Variants in SAMD9L observed in about 807,000 individuals in gnomAD.
SAMD9L encodes the protein sterile alpha motif domain-containing protein 9-like.
A neutral mutation model predicts 90.7 loss-of-function variants in SAMD9L; 68 were observed. The observed-to-expected ratio is 0.75, with a 90% confidence interval of 0.62 to 0.92. The LOEUF is 0.92. Among genes scored for constraint, SAMD9L ranks in the 40% least tolerant of loss-of-function variants. The probability of loss-of-function intolerance (pLI) is 0.00; values close to 1 mark genes in which losing one functional copy is unlikely to be tolerated. For missense variants in SAMD9L, 1,604 were observed against 1,824.3 expected (o/e 0.88, Z 2.20); for synonymous variants, 640 against 630.1 (o/e 1.02, Z -0.23).
chr7:93,144,119 C>T (rs1792798319), intron 4 of SAMD9L, among the ~76,000 whole-genome samples: 1 of 152,138 alleles, frequency 6.6e-6, no homozygotes, highest in Non-Finnish European at 1.5e-5. Flanking sequence ...TGTTTTTGTT[C>T]TGCTTCTTCA....
rs1792280955 is a variant in SAMD9L at position 93,133,952 on chromosome 7, A to T, written c.2020T>A (p.Ser674Thr). Reference sequence around the variant, plus strand: ...GATTTCTTAAACTCCAGGAATTTAGATTTGTCTTTCTCGATGTCTGTCTCT... The same window carrying T: ...GATTTCTTAAACTCCAGGAATTTAGTTTTGTCTTTCTCGATGTCTGTCTCT... The part of the protein sequence containing the change: ...CTETDIEKDK[S>T]KFLEFKKSKE... The change falls in exon 5 of 5, where the codon TCT becomes ACT. Residue 674 changes from serine (S) to threonine (T), a missense_variant. Ser to Thr is a moderately conservative substitution (Grantham distance 58, BLOSUM62 1). Transcript: ENST00000318238. 2 of 1,613,788 alleles carry T rather than the reference A, an allele frequency of 1.2e-6. No homozygotes were observed. Among genetic ancestry groups the T allele is most frequent in the African/African-American group, 2.7e-5 (2 of 75,000 alleles).
Position 93,132,526 on chromosome 7 carries a change from A to G in SAMD9L, c.3446T>C (p.Leu1149Pro). The G allele has an allele frequency of 6.2e-7, 1 of 1,613,916 alleles. No individual in the cohort carries two copies. Among genetic ancestry groups the G allele is most frequent in the Non-Finnish European group, 8.5e-7 (1 of 1,179,828 alleles). Residue 1149 changes from leucine (L) to proline (P), a missense_variant, in exon 5 of 5, where the codon CTA (leucine) becomes CCA (proline). Leu to Pro is a moderately conservative substitution (Grantham distance 98). This residue lies in a region of SAMD9L where 302 missense variants were observed against 314.7 expected (regional missense o/e 0.96). Coordinates refer to ENST00000318238, the MANE Select transcript of SAMD9L (RefSeq NM_152703.5). ...TTCCGCAGCTTCTAGGAGATGTGTT[A>G]GGTCATTAACAGTAATGCTCCTACA... The part of the protein sequence containing the change: ...KNCRSITVND[L>P]THLLEAAEKA...
chr7:93,132,972 C>T lies in SAMD9L; in HGVS notation c.3000G>A (p.Leu1000=). 1 of 1,613,406 alleles carries T rather than the reference C, an allele frequency of 6.2e-7. No homozygotes were observed. Among genetic ancestry groups the T allele is most frequent in the African/African-American group, 1.3e-5 (1 of 74,996 alleles). The change falls in exon 5 of 5, where the codon CTG becomes CTA. Residue 1000 remains leucine, a synonymous_variant. Coordinates refer to ENST00000318238, the MANE Select transcript of SAMD9L (RefSeq NM_152703.5). ...ATTTATCCAAGTGATAGCTTCTTTC[C>T]AGTTCTTTTAGACAGTACAGGGCAA... ...PLIALYCLKE[L]ERSYHLDKCQ...
chr7:93,141,260 C>T (rs1792678878), intron 4 of SAMD9L, among the ~76,000 whole-genome samples: 2 of 152,202 alleles, frequency 1.3e-5, no homozygotes, highest in African/African-American at 4.8e-5. Flanking sequence ...GTTGACGTGC[C>T]TCTCAGACCT....
intron 4 of SAMD9L, among the ~76,000 whole-genome samples, chr7:93,138,862 A>G (rs967301199): frequency 6.6e-6 from 1 of 152,170 alleles, no homozygotes; most frequent in Non-Finnish European, 1.5e-5. Context: ...TAAGACCGAC[A>G]GAGGGGCCCT....
At position 93,133,981 on chromosome 7, in the gene SAMD9L, C is replaced by T. The variant is rs1315686706; in HGVS notation, c.1991G>A (p.Cys664Tyr). 1 of 1,613,432 alleles carries T rather than the reference C, an allele frequency of 6.2e-7. No individual in the cohort carries two copies. The highest frequency in any genetic ancestry group is 1.7e-5 in the Admixed American group (1 of 59,944). Residue 664 changes from cysteine to tyrosine, a missense_variant, in exon 5 of 5, where the codon TGT becomes TAT. Physicochemically the swap from Cys to Tyr is radical, Grantham distance 194. Transcript: ENST00000318238. ...TALEILCENE[C>Y]TETDIEKDKS... is the part of the protein sequence containing the mutation. Reference sequence around the variant, plus strand: ...GTCTTTCTCGATGTCTGTCTCTGTACACTCATTTTCACAGAGGATTTCCAG... The same window carrying T: ...GTCTTTCTCGATGTCTGTCTCTGTATACTCATTTTCACAGAGGATTTCCAG...
chr7:93,136,031 T>C (rs1365517641), intron 4 of SAMD9L, 40 bp from the exon 5 acceptor site: 5 of 1,328,146 alleles, frequency 3.8e-6, no homozygotes, highest in Non-Finnish European at 5.0e-6. Context: ...AGAATTATAC[T>C]TTATTTTTAA....
chr7:93,139,793 C>T (rs1792609181), intron 4 of SAMD9L, among the ~76,000 whole-genome samples: 3 of 152,146 alleles, frequency 2.0e-5, no homozygotes, highest in Non-Finnish European at 4.4e-5. Flanking sequence ...ACTTCCCTGT[C>T]CCCACCATCT....
chr7:93,136,001 A>G lies in SAMD9L; in HGVS notation c.-20-10T>C, dbSNP rs1206197289. On this transcript the variant is annotated splice_polypyrimidine_tract_variant and intron_variant, in intron 4 of 4. Transcript: ENST00000318238. ...AAGCTTCAACTTCTTCCTGAGACAA[A>G]GCAATATAATAAGTATTTTAGAATT... 4 of 1,496,244 alleles carry G rather than the reference A, an allele frequency of 2.7e-6. No homozygotes were observed. Among genetic ancestry groups the G allele is most frequent in the Non-Finnish European group, 3.6e-6 (4 of 1,121,964 alleles). The allele number at this position is 1,496,244 out of a possible 1,614,324, so 92.7% of individuals were successfully genotyped here.
At position 93,135,845 on chromosome 7, in the gene SAMD9L, T is replaced by C; in HGVS notation, c.127A>G (p.Thr43Ala). Residue 43 changes from threonine to alanine, a missense_variant, in exon 5 of 5, where the codon ACA becomes GCA. Thr to Ala is a moderately conservative substitution (Grantham distance 58, BLOSUM62 0). Transcript: ENST00000318238. ...GTTAATTCCTGCAGGACTAATCCTG[T>C]TACTTCTTCACTGAGCAGAATTTGC... ...YGQILLSEEVTGLVLQELTEK... is the reference protein window; with the variant it reads ...YGQILLSEEVAGLVLQELTEK... The C allele has an allele frequency of 3.7e-6, 6 of 1,614,044 alleles. No homozygotes were observed. Among genetic ancestry groups the C allele is most frequent in the Non-Finnish European group, 5.1e-6 (6 of 1,179,968 alleles).
In SAMD9L at chr7:93,135,881, C is replaced by T. The variant is rs778097243; in HGVS notation, c.91G>A (p.Glu31Lys). 12 of 1,613,864 alleles carry T rather than the reference C, an allele frequency of 7.4e-6. No homozygotes were observed. The East Asian group carries it at 1.1e-4, about 15-fold the overall frequency. ...KWVNEDLKIN[E>K]QYGQILLSEE... ...CTGAGCAGAATTTGCCCGTATTGCT[C>T]ATTAATCTTAAGGTCTTCATTTACC... is the stretch of plus-strand genomic sequence containing the variant. The change falls in exon 5 of 5, where the codon GAG (glutamate) becomes AAG (lysine). Residue 31 changes from glutamate (E) to lysine (K), a missense_variant. Physicochemically the swap from Glu to Lys is moderately conservative, Grantham distance 56. Coordinates refer to ENST00000318238, the MANE Select transcript of SAMD9L (RefSeq NM_152703.5).
In SAMD9L at chr7:93,134,556, T is replaced by A. The variant is rs762297782; in HGVS notation, c.1416A>T (p.Gln472His). ...ACATGTTAGTTGTCTTGTCTTCATATTGATTTGGAAAGTGAAGGTTTGCCA... is the reference window on the plus strand; with the variant it reads ...ACATGTTAGTTGTCTTGTCTTCATAATGATTTGGAAAGTGAAGGTTTGCCA... ...SRVANLHFPN[Q>H]YEDKTTNMWE... Residue 472 changes from glutamine (Q) to histidine (H), a missense_variant, in exon 5 of 5, where the codon CAA becomes CAT. Around this residue, in one of 7 missense-constraint regions of SAMD9L, gnomAD observed 606 missense variants for 717.6 expected, o/e 0.84. Transcript: ENST00000318238. The A allele has an allele frequency of 6.2e-7, 1 of 1,613,958 alleles. No homozygotes were observed. The highest frequency in any genetic ancestry group is 8.5e-7 in the Non-Finnish European group (1 of 1,179,884).
chr7:93,145,584 G>A lies in SAMD9L; in HGVS notation c.-322C>T, dbSNP rs1207558998. ...GTTCAGTTTGCCGGAGGATATACTT[G>A]TTGAGAACGTATTGCATAAAACAAT... On this transcript the variant is annotated 5_prime_UTR_variant, in exon 3 of 5. Transcript: ENST00000318238. 1 of 152,194 alleles carries A rather than the reference G, an allele frequency of 6.6e-6. No homozygotes were observed. Among genetic ancestry groups the A allele is most frequent in the Non-Finnish European group, 1.5e-5 (1 of 68,038 alleles). 9.4% of individuals were successfully genotyped at this position (152,194 alleles called of 1,614,324 possible). A position where few individuals can be genotyped will look rare whatever the true frequency, so the allele number is the denominator to read the frequency against.
chr7:93,133,570 A>G lies in SAMD9L; in HGVS notation c.2402T>C (p.Leu801Pro), dbSNP rs763158134. The G allele has an allele frequency of 5.6e-6, 9 of 1,613,770 alleles. No homozygotes were observed. In the East Asian group the frequency reaches 1.3e-4, roughly 24 times the overall value. Residue 801 changes from leucine to proline, a missense_variant, in exon 5 of 5, where the codon CTT becomes CCT. Leu to Pro is a moderately conservative substitution (Grantham distance 98). Transcript: ENST00000318238. Reference protein sequence around the residue: ...SHQDYIPVLLLVDDFEEQENV... With the variant: ...SHQDYIPVLLPVDDFEEQENV... Reference sequence around the variant, plus strand: ...TTCTTGTTCTTCAAAATCATCCACAAGGAGAAGCACAGGAATGTAATCCTG... The same window carrying G: ...TTCTTGTTCTTCAAAATCATCCACAGGGAGAAGCACAGGAATGTAATCCTG...
At chr7:93,142,465 G>A (rs1366856821) in intron 4 of SAMD9L, among the ~76,000 whole-genome samples, 1 of 152,186 alleles carries the variant, frequency 6.6e-6, no homozygotes, top group Admixed American at 6.5e-5. Flanking sequence ...TCCAGCATCT[G>A]GATTAGCCAG....
chr7:93,143,687 A>G (rs546223787), intron 4 of SAMD9L, among the ~76,000 whole-genome samples: 1 of 152,262 alleles, frequency 6.6e-6, no homozygotes, highest in South Asian at 2.1e-4. Context: ...GAATTCCACC[A>G]TTTCCCATTG....
chr7:93,137,403 C>T lies in SAMD9L; in HGVS notation c.-20-1412G>A, dbSNP rs1792498560. On this transcript the variant is annotated intron_variant, in intron 4 of 4. Transcript: ENST00000318238. The stretch of plus-strand genomic sequence containing the variant: ...GTGCATATAAGGGATCCAGGCTGCA[C>T]ACTCCTTATGAGAATCTAATGCCTG... 2.0e-5 allele frequency among the ~76,000 whole-genome samples: 3 copies of T among 152,134 alleles called. No individual in the cohort carries two copies. In the South Asian group the frequency reaches 6.2e-4, roughly 32 times the overall value.
At chr7:93,146,106 G>A (rs1306846327) in intron 2 of SAMD9L, 66 bp from the exon 3 acceptor site, 2 of 152,186 alleles carry the variant, frequency 1.3e-5, no homozygotes, top group East Asian at 1.9e-4. Context: ...CATCTGACAA[G>A]GCCTCACACA....
At position 93,131,404 on chromosome 7, in the gene SAMD9L, C is replaced by T. The variant is rs778834717; in HGVS notation, c.4568G>A (p.Arg1523His). ...WKKNEVKDLL[R>H]RLTGQAEGKL... ...GCCTTCAGCCTGACCAGTTAGACGA[C>T]GCAGGAGGTCTTTGACTTCATTTTT... Residue 1523 changes from arginine to histidine, a missense_variant, in exon 5 of 5, where the codon CGT (arginine) becomes CAT (histidine). By Grantham distance (29) the Arg-to-His change is conservative (BLOSUM62 0). Coordinates refer to ENST00000318238, the MANE Select transcript of SAMD9L (RefSeq NM_152703.5). The T allele has an allele frequency of 2.1e-5, 34 of 1,613,548 alleles. No homozygotes were observed. The highest frequency in any genetic ancestry group is 1.3e-4 in the East Asian group (6 of 44,890).
Sources: allele counts gnomAD v4.1 joint callset (sites outside exome capture counted in the v4.1 genomes callset), GRCh38; gene constraint gnomAD v4.1.1; regional missense constraint gnomAD v4.1.1; transcripts MANE v1.5; gene names NCBI Gene and HGNC (gene_info 2026-07-23, HGNC 2026-07-21).